Variants in DHX9 observed in about 807,000 individuals in gnomAD.
DHX9 encodes the protein DExH-box helicase 9.
A neutral mutation model predicts 148.7 loss-of-function variants in DHX9; 27 were observed. The ratio of observed to expected loss-of-function variants is 0.18; its 90% CI spans 0.13 to 0.25. DHX9 has a LOEUF of 0.25. Among genes scored for constraint, DHX9 ranks in the 10% least tolerant of loss-of-function variants. The pLI, the probability that DHX9 is intolerant of heterozygous loss-of-function variation, is 1.00. For synonymous variants in DHX9, 529 were observed against 516.6 expected (o/e 1.02, Z -0.33); for missense variants, 796 against 1,559.6 (o/e 0.51, Z 8.25).
chr1:182,873,052 C>T (rs1490981154), intron 15 of DHX9, among the ~76,000 whole-genome samples: 1 of 152,146 alleles, frequency 6.6e-6, no homozygotes, highest in Non-Finnish European at 1.5e-5. Context: ...GGCTCCCAGG[C>T]TCAACCAGTC....
At chr1:182,859,941 G>A (rs1668327968) in intron 11 of DHX9, 52 bp from the exon 12 acceptor site, 3 of 1,543,008 alleles carry the variant, frequency 1.9e-6, no homozygotes, top group Middle Eastern at 2.3e-4. Context: ...CAAGACAGTT[G>A]CTTCTAATGT....
chr1:182,855,689 A>AC, intron 6 of DHX9: 1 of 985,434 alleles, frequency 1.0e-6, no homozygotes, highest in Non-Finnish European at 1.2e-6. Flanking sequence ...GTGGCCTTTG[A>AC]CCCCTGAAGC....
chr1:182,864,858 A>G (rs1648218550), intron 12 of DHX9, among the ~76,000 whole-genome samples: 1 of 152,132 alleles, frequency 6.6e-6, no homozygotes, highest in Non-Finnish European at 1.5e-5. Flanking sequence ...ATGGGTAGTT[A>G]AGAACTAAAA....
intron 3 of DHX9, among the ~76,000 whole-genome samples, chr1:182,845,031 C>G (rs573212809): frequency 3.3e-5 from 5 of 152,318 alleles, no homozygotes; most frequent in African/African-American, 1.2e-4. Context: ...TGACAGTATT[C>G]TGACTCGTTA....
Position 182,876,232 on chromosome 1 carries a change from G to T in DHX9, c.1998G>T (p.Met666Ile), listed in dbSNP as rs1648756345. 2 of 1,613,778 alleles carry T rather than the reference G, an allele frequency of 1.2e-6. No homozygotes were observed. The highest frequency in any genetic ancestry group is 1.7e-6 in the Non-Finnish European group (2 of 1,179,832). ...FLPGWNLIYT[M>I]QKHLEMNPHF... ...CTGGCTGGAATCTGATTTATACTAT[G>T]CAGAAGCATTTGGAAATGAATCCAC... The change falls in exon 17 of 28, where the codon ATG (methionine) becomes ATT (isoleucine). Residue 666 changes from methionine (M) to isoleucine (I), a missense_variant. By Grantham distance (10) the Met-to-Ile change is conservative. Coordinates refer to ENST00000367549, the MANE Select transcript of DHX9 (RefSeq NM_001357.5).
At chr1:182,849,642 A>G (rs1039209027) in intron 3 of DHX9, among the ~76,000 whole-genome samples, 1 of 152,216 alleles carries the variant, frequency 6.6e-6, no homozygotes, top group Non-Finnish European at 1.5e-5. Flanking sequence ...CAGTGGTGCT[A>G]ATGTTGAGAA....
intron 15 of DHX9, among the ~76,000 whole-genome samples, chr1:182,874,088 C>T (rs1489928152): frequency 6.6e-6 from 1 of 152,184 alleles, no homozygotes; most frequent in East Asian, 1.9e-4. Flanking sequence ...TGACAAGTGC[C>T]TCTTACAAAA....
chr1:182,844,213 A>T lies in DHX9; in HGVS notation c.252+779A>T, dbSNP rs562587746. Among the ~76,000 whole-genome samples, 8 of 152,164 alleles carry T rather than the reference A, an allele frequency of 5.3e-5. 1 individual carries two copies. Among genetic ancestry groups the T allele is most frequent in the Non-Finnish European group, 1.0e-4 (7 of 68,026 alleles). ...TCCATCCACCCACTTCCGTCTTCCAAAGTGCTGGGATCACAGGCATGGGCC... is the reference window on the plus strand; with the variant it reads ...TCCATCCACCCACTTCCGTCTTCCATAGTGCTGGGATCACAGGCATGGGCC... On this transcript the variant is annotated intron_variant, in intron 3 of 27. Transcript: ENST00000367549.
In DHX9 at chr1:182,860,013, A is replaced by C; in HGVS notation, c.1161A>C (p.Leu387Phe). 6.2e-7 allele frequency: 1 copy of C among 1,612,850 alleles called. No individual in the cohort carries two copies. The highest frequency in any genetic ancestry group is 1.1e-5 in the South Asian group (1 of 90,858). ...DLQAILQERE[L>F]LPVKKFESEI... ...TGCAGATCTTGCAGGAGAGAGAGTT[A>C]CTGCCTGTGAAGAAATTTGAAAGTG... The change falls in exon 12 of 28, where the codon TTA (leucine) becomes TTC (phenylalanine). Residue 387 changes from leucine (L) to phenylalanine (F), a missense_variant. Around this residue, in one of 14 missense-constraint regions of DHX9, gnomAD observed 42 missense variants for 27.1 expected, o/e 1.55. Coordinates refer to ENST00000367549, the MANE Select transcript of DHX9 (RefSeq NM_001357.5).
chr1:182,877,055 A>G, intron 19 of DHX9, 152 bp downstream of exon 19: 1 of 497,326 alleles, frequency 2.0e-6, no homozygotes, highest in Non-Finnish European at 3.5e-6. Flanking sequence ...TAGGTAATTG[A>G]TAATTAAGAG....
chr1:182,884,281 A>AC (rs1486240460), intron 26 of DHX9, among the ~76,000 whole-genome samples: 1 of 152,120 alleles, frequency 6.6e-6, no homozygotes, highest in Non-Finnish European at 1.5e-5. Context: ...AAAAAAAAAG[A>AC]AAGTCTGAAT....
chr1:182,840,813 G>T (rs1044618888), intron 1 of DHX9, among the ~76,000 whole-genome samples: 2 of 152,172 alleles, frequency 1.3e-5, no homozygotes, highest in East Asian at 3.9e-4. Flanking sequence ...GGGAGTGGAC[G>T]ACTCTCAACT....
At chr1:182,860,541 T>G (rs1668342217) in intron 12 of DHX9, among the ~76,000 whole-genome samples, 1 of 152,244 alleles carries the variant, frequency 6.6e-6, no homozygotes, top group Admixed American at 6.5e-5. Context: ...AATGGTTAAC[T>G]TTCACTGTAT....
chr1:182,840,767 A>G (rs1667911703), intron 1 of DHX9, among the ~76,000 whole-genome samples: 1 of 152,184 alleles, frequency 6.6e-6, no homozygotes, highest in Non-Finnish European at 1.5e-5. Context: ...GACACACATT[A>G]AGGGTTCTAC....
At chr1:182,844,446 A>G (rs555491427) in intron 3 of DHX9, among the ~76,000 whole-genome samples, 114 of 152,226 alleles carry the variant, frequency 7.5e-4, no homozygotes, top group African/African-American at 2.7e-3. Context: ...GCCTCAAGCC[A>G]TCCTCCCACT....
rs188539989 is a variant in DHX9, at chr1:182,843,792, A to G, written c.252+358A>G. Among the ~76,000 whole-genome samples the G allele has an allele frequency of 6.7e-3, 1,013 of 152,278 alleles. 24 individuals carry two copies. Among genetic ancestry groups the G allele is most frequent in the Admixed American group, 0.042 (639 of 15,282 alleles). On this transcript the variant is annotated intron_variant, in intron 3 of 27. Transcript: ENST00000367549. ...TAATATTTTAGACATGTTTGCTCCC[A>G]TTGACACTCCCCCTGCCCCGTAAGC...
At chr1:182,849,802 CT>C (rs986079890) in intron 3 of DHX9, among the ~76,000 whole-genome samples, 12 of 150,530 alleles carry the variant, frequency 8.0e-5, no homozygotes, top group South Asian at 2.1e-4. Context: ...TATATCTTCC[CT>C]TTTTTTTTAA....
chr1:182,842,762 T>A, intron 2 of DHX9, 85 bp downstream of exon 2: 1 of 1,051,394 alleles, frequency 9.5e-7, no homozygotes, highest in East Asian at 2.6e-5. Flanking sequence ...TTGGAGATGT[T>A]AATGTGTTGC....
intron 16 of DHX9, among the ~76,000 whole-genome samples, chr1:182,875,741 A>G (rs1195003349): frequency 6.6e-6 from 1 of 152,192 alleles, no homozygotes; most frequent in Non-Finnish European, 1.5e-5. Context: ...CTTTTTGGAA[A>G]ATACATTATT....
Sources: gnomAD v4.1 joint callset for allele counts (sites outside exome capture counted in the v4.1 genomes callset) on GRCh38, gnomAD v4.1.1 for gene constraint, gnomAD v4.1.1 regional missense constraint, MANE v1.5 for transcripts, NCBI Gene and HGNC (gene_info 2026-07-23, HGNC 2026-07-21) for gene names.